RGS12: variants seen among roughly 807,000 people sequenced by gnomAD.
RGS12 encodes regulator of G protein signaling 12, also known as regulator of G-protein signaling 12.
RGS12 carries 66 observed loss-of-function variants against 120.1 expected under a neutral mutation model. The observed-to-expected ratio is 0.55, with a 90% CI of 0.45 to 0.67. RGS12 has a LOEUF of 0.67. RGS12 is among the 30% of genes least tolerant of loss of function. The probability of loss-of-function intolerance (pLI) is 0.00; values close to 1 mark genes in which losing one functional copy is unlikely to be tolerated. For synonymous variants in RGS12, 827 were observed against 804.7 expected (o/e 1.03, Z -0.47); for missense variants, 1,859 against 1,957.7 (o/e 0.95, Z 0.95).
chr4:3,407,633 T>C (rs1721295221), intron 4 of RGS12: 1 of 152,290 alleles, frequency 6.6e-6, no homozygotes, highest in African/African-American at 2.4e-5. Flanking sequence ...CACTGACTTA[T>C]GTGGTCTTCA....
chr4:3,431,241 G>T (rs558502611), intron 17 of RGS12: 93 of 1,302,356 alleles, frequency 7.1e-5, no homozygotes, highest in Non-Finnish European at 8.6e-5. Flanking sequence ...CTGCAGCGAG[G>T]TCTGGGAACA....
intron 4 of RGS12, among the ~76,000 whole-genome samples, chr4:3,403,129 C>T (rs987706424): frequency 6.6e-6 from 1 of 152,246 alleles, no homozygotes; most frequent in African/African-American, 2.4e-5. Flanking sequence ...GCATTTCACC[C>T]CCGCCTGTTG....
upstream of RGS12, among the ~76,000 whole-genome samples, chr4:3,288,545 C>G (rs566517146): frequency 6.6e-6 from 1 of 152,288 alleles, no homozygotes; most frequent in South Asian, 2.1e-4. This position sits in a 1 kb window ranked among gnomAD's most constrained non-coding sequence, Gnocchi z 5.2. Context: ...CCAACTCTCT[C>G]GGGAGGACAG....
chr4:3,370,421 A>G, intron 3 of RGS12: 1 of 1,119,876 alleles, frequency 8.9e-7, no homozygotes. Context: ...GGACCTGCAA[A>G]TGCTTGTAAG....
At position 3,416,975 on chromosome 4, in the gene RGS12, A is replaced by G. The variant is rs1722471902; in HGVS notation, c.2490A>G (p.Glu830=). The G allele has an allele frequency of 2.5e-6, 4 of 1,613,136 alleles. No individual in the cohort carries two copies. The highest frequency in any genetic ancestry group is 3.4e-6 in the Non-Finnish European group (4 of 1,179,552). The change falls in exon 8 of 18, where the codon GAA becomes GAG. Residue 830 remains glutamate, a synonymous_variant. Coordinates refer to ENST00000336727, the MANE Select transcript of RGS12 (RefSeq NM_001394154.1). ...TTCTGAAGTCCCCGCTGTACCAGGA[A>G]TGCATCCTGGCGGAAGTGGAGGGCC... is the stretch of plus-strand genomic sequence containing the variant. ...TRFLKSPLYQ[E]CILAEVEGRA...
chr4:3,438,543 T>C (rs1447640278), intron 17 of RGS12, among the ~76,000 whole-genome samples: 2 of 152,130 alleles, frequency 1.3e-5, no homozygotes, highest in Non-Finnish European at 2.9e-5. Context: ...CCAGCCATTC[T>C]GCGTGCACCG....
At position 3,433,122 on chromosome 4, in the gene RGS12, CG is replaced by C. The variant is rs1179630249; in HGVS notation, c.4114+2171del. ...TGGAACCTCTTTCACATCTGTGGGC[CG>C]GGGCGAGCCTGGACTGAGTGCTGAC... On this transcript the variant is annotated intron_variant, in intron 17 of 17. Coordinates refer to ENST00000336727, the MANE Select transcript of RGS12 (RefSeq NM_001394154.1). The surrounding 1 kb of genome is among the most constrained non-coding windows in gnomAD (Gnocchi z 4.4). 1.3e-5 allele frequency among the ~76,000 whole-genome samples: 2 copies of C among 152,196 alleles called. No homozygotes were observed. Among genetic ancestry groups the C allele is most frequent in the Admixed American group, 1.3e-4 (2 of 15,284 alleles).
chr4:3,368,399 G>A (rs1275935535), intron 3 of RGS12, among the ~76,000 whole-genome samples: 3 of 138,768 alleles, frequency 2.2e-5, no homozygotes, highest in East Asian at 2.2e-4. Flanking sequence ...GTGTGTGTGG[G>A]GTGCCTGTGT....
In RGS12 at chr4:3,317,997, G is replaced by A; in HGVS notation, c.1827G>A (p.Met609Ile). 2 of 1,611,696 alleles carry A rather than the reference G, an allele frequency of 1.2e-6. No homozygotes were observed. Among genetic ancestry groups the A allele is most frequent in the Non-Finnish European group, 1.7e-6 (2 of 1,178,984 alleles). Reference protein sequence around the residue: ...KREWSRKAFGMQSIFGPHRNV... With the variant: ...KREWSRKAFGIQSIFGPHRNV... ...AGTGGTCCAGGAAGGCCTTTGGAATGCAAAGCATTTTTGGTCCCCATCGAA... is the reference window on the plus strand; with the variant it reads ...AGTGGTCCAGGAAGGCCTTTGGAATACAAAGCATTTTTGGTCCCCATCGAA... The change falls in exon 2 of 18, where the codon ATG becomes ATA. Residue 609 changes from methionine to isoleucine, a missense_variant. Met to Ile is a conservative substitution (Grantham distance 10). Around this residue, in one of 3 missense-constraint regions of RGS12, gnomAD observed 967 missense variants for 994.2 expected, o/e 0.97. Coordinates refer to ENST00000336727, the MANE Select transcript of RGS12 (RefSeq NM_001394154.1).
chr4:3,348,755 A>G (rs1201676068), intron 3 of RGS12, among the ~76,000 whole-genome samples: 2 of 152,234 alleles, frequency 1.3e-5, no homozygotes, highest in East Asian at 3.9e-4. Context: ...CTGACAAAAA[A>G]GTTGAAGGAA....
rs1449945858 is a variant in RGS12 at position 3,318,065 on chromosome 4, G to T, written c.1881+14G>T. On this transcript the variant is annotated intron_variant, in intron 2 of 17. Coordinates refer to ENST00000336727, the MANE Select transcript of RGS12 (RefSeq NM_001394154.1). ...GAAGATAAAAAGGTAAGCCTGCCAG[G>T]AGCCACTCAGCGCGGAGGCCCGGCC... 6.7e-7 allele frequency: 1 copy of T among 1,498,864 alleles called. No individual in the cohort carries two copies. Among genetic ancestry groups the T allele is most frequent in the Non-Finnish European group, 9.1e-7 (1 of 1,098,784 alleles). 92.8% of individuals were successfully genotyped at this position (1,498,864 alleles called of 1,614,324 possible).
At chr4:3,399,655 T>TA (rs1253225957) in intron 4 of RGS12, among the ~76,000 whole-genome samples, 1 of 152,222 alleles carries the variant, frequency 6.6e-6, no homozygotes, top group East Asian at 1.9e-4. Context: ...ACTGATTAGA[T>TA]AAATCAACAT....
chr4:3,369,715 T>G (rs1359214310), intron 3 of RGS12, among the ~76,000 whole-genome samples: 1 of 152,206 alleles, frequency 6.6e-6, no homozygotes, highest in Non-Finnish European at 1.5e-5. Flanking sequence ...TCCTCCTTCC[T>G]TTTTAGAGCC....
At chr4:3,419,286 G>C (rs1722742381) in intron 9 of RGS12, 1 of 150,336 alleles carries the variant, frequency 6.7e-6, no homozygotes, top group African/African-American at 2.5e-5. Context: ...AGCTGAGATT[G>C]TGCCATTGAA....
chr4:3,323,872 TGAGAGAGAGAGAGAGAGAGAGA>T lies in RGS12; in HGVS notation c.1881+5836_1881+5857del, dbSNP rs72232319. On this transcript the variant is annotated intron_variant, in intron 2 of 17. Transcript: ENST00000336727. ...AGTAGTGTGTGTGTGTGTGTGTGTG[TGAGAGAGAGAGAGAGAGAGAGA>T]GAGAGAGAGAGAGAATGCCCCCTTT... The T allele has an allele frequency of 7.1e-4, 99 of 138,796 alleles. 1 individual carries two copies. The highest frequency in any genetic ancestry group is 2.2e-3 in the African/African-American group (82 of 37,042). The allele number at this position is 138,796 out of a possible 1,614,324, so 8.6% of individuals were successfully genotyped here. A position where few individuals can be genotyped will look rare whatever the true frequency, so the allele number is the denominator to read the frequency against.
intron 1 of RGS12, among the ~76,000 whole-genome samples, chr4:3,313,294 C>T (rs148896564): frequency 3.3e-5 from 5 of 152,274 alleles, no homozygotes; most frequent in South Asian, 2.1e-4. Flanking sequence ...AAGAGAAAGC[C>T]GAGAGGTGTT....
intron 3 of RGS12, among the ~76,000 whole-genome samples, chr4:3,377,363 G>A (rs1221673245): frequency 6.6e-6 from 1 of 152,136 alleles, no homozygotes; most frequent in Non-Finnish European, 1.5e-5. Context: ...GAGTCACGAT[G>A]CCCAGCTGAT....
chr4:3,308,383 C>T (rs926149447), intron 1 of RGS12, among the ~76,000 whole-genome samples: 2 of 152,078 alleles, frequency 1.3e-5, no homozygotes, highest in African/African-American at 4.8e-5. Context: ...CGTGTTGGCT[C>T]GGCGCTCCTC....
At chr4:3,436,736 C>G (rs1408190764) in intron 17 of RGS12, among the ~76,000 whole-genome samples, 1 of 152,176 alleles carries the variant, frequency 6.6e-6, no homozygotes, top group East Asian at 1.9e-4. Context: ...GTCTGGGAGG[C>G]CTGGGGGCGA....
Sources: gnomAD v4.1 joint callset for allele counts (sites outside exome capture counted in the v4.1 genomes callset) on GRCh38, gnomAD v4.1.1 for gene constraint, gnomAD v4.1.1 regional missense constraint, Gnocchi (gnomAD v3.1) non-coding constraint, MANE v1.5 for transcripts, NCBI Gene and HGNC (gene_info 2026-07-23, HGNC 2026-07-21) for gene names.